EDARADD: variants seen among roughly 807,000 people sequenced by gnomAD.
EDARADD encodes the protein EDAR associated via death domain.
A neutral mutation model predicts 25.6 loss-of-function variants in EDARADD; 20 were observed. The ratio of observed to expected loss-of-function variants is 0.78; its 90% CI spans 0.55 to 1.14. The LOEUF (loss-of-function observed/expected upper bound fraction) is 1.14, where lower values mean the gene tolerates loss of function less well. Ranked by LOEUF, EDARADD falls within the 50% of genes most tolerant of loss-of-function variation. EDARADD has a pLI of 0.00. For synonymous variants in EDARADD, 86 were observed against 94.4 expected (o/e 0.91, Z 0.52); for missense variants, 225 against 270.1 (o/e 0.83, Z 1.17).
At chr1:236,473,953 T>C (rs972062086) in intron 5 of EDARADD, among the ~76,000 whole-genome samples, 2 of 151,980 alleles carry the variant, frequency 1.3e-5, no homozygotes, top group Non-Finnish European at 2.9e-5. Flanking sequence ...CTAACATCTT[T>C]AAAGAACATT....
At chr1:236,389,800 G>A (rs566573144), upstream of EDARADD, among the ~76,000 whole-genome samples, 7 of 152,224 alleles carry the variant, frequency 4.6e-5, no homozygotes, top group South Asian at 2.1e-4. Context: ...CCAGGAGTTC[G>A]AGACCTGCCT....
intron 3 of EDARADD, among the ~76,000 whole-genome samples, chr1:236,359,985 A>G (rs1404719583): frequency 6.6e-6 from 1 of 152,112 alleles, no homozygotes; most frequent in South Asian, 2.1e-4. Flanking sequence ...CCCTAAATAG[A>G]TATCTATTTC....
At chr1:236,465,928 G>A (rs184216485) in intron 4 of EDARADD, among the ~76,000 whole-genome samples, 4 of 152,102 alleles carry the variant, frequency 2.6e-5, no homozygotes, top group Admixed American at 1.3e-4. Flanking sequence ...CAAGTAATTC[G>A]TATTTCCCTG....
intron 3 of EDARADD, among the ~76,000 whole-genome samples, chr1:236,385,630 A>G (rs1319308531): frequency 6.6e-6 from 1 of 152,006 alleles, no homozygotes; most frequent in Non-Finnish European, 1.5e-5. Context: ...AGGCTGAGGC[A>G]GGAGAATTAC....
intron 3 of EDARADD, among the ~76,000 whole-genome samples, chr1:236,384,895 T>A (rs943993282): frequency 5.3e-5 from 8 of 152,080 alleles, no homozygotes; most frequent in African/African-American, 1.7e-4. Context: ...TTATTTTTAT[T>A]ATATTTTAAC....
chr1:236,449,525 T>C (rs1571941926), intron 4 of EDARADD, among the ~76,000 whole-genome samples: 1 of 152,250 alleles, frequency 6.6e-6, no homozygotes, highest in Non-Finnish European at 1.5e-5. Flanking sequence ...TCCATTCTCC[T>C]CTGAGCAGAA....
intron 2 of EDARADD, among the ~76,000 whole-genome samples, chr1:236,413,959 G>A (rs767370061): frequency 5.3e-4 from 80 of 152,304 alleles, no homozygotes; most frequent in Non-Finnish European, 9.6e-4. Flanking sequence ...CTCCTCAATT[G>A]TAAACTGCAG....
chr1:236,381,800 G>GTTTGTTTTTTTT (rs1558105353), intron 3 of EDARADD, among the ~76,000 whole-genome samples: 1 of 16,918 alleles, frequency 5.9e-5, no homozygotes, highest in Non-Finnish European at 1.3e-4. Flanking sequence ...TCCTGTGGTT[G>GTTTGTTTTTTTT]CTTTTTTTTT....
chr1:236,396,149 C>G (rs1667511885), intron 1 of EDARADD, among the ~76,000 whole-genome samples: 2 of 152,304 alleles, frequency 1.3e-5, no homozygotes. Context: ...GGAGCTATTT[C>G]ATCAGATAGT....
At chr1:236,456,803 G>A (rs994579079) in intron 4 of EDARADD, among the ~76,000 whole-genome samples, 2 of 144,450 alleles carry the variant, frequency 1.4e-5, no homozygotes, top group Non-Finnish European at 3.0e-5. Context: ...AGATGCTGAT[G>A]TAGTTCTTGA....
Position 236,484,673 on chromosome 1 carries a change from A to C in EDARADD, c.*2024A>C. On this transcript the variant is annotated 3_prime_UTR_variant, in exon 6 of 6. Transcript: ENST00000334232. The surrounding 1 kb of genome is among the most constrained non-coding windows in gnomAD (Gnocchi z 4.1). ...CAGTGAGCCGAGATTGCGCCACTGC[A>C]CACCAGTCTGGAGACAGAGTGAGAG... 4.3e-6 allele frequency: 2 copies of C among 467,590 alleles called. No individual in the cohort carries two copies. The highest frequency in any genetic ancestry group is 4.6e-5 in the South Asian group (2 of 43,402). The allele number at this position is 467,590 out of a possible 1,614,324, so 29.0% of individuals were successfully genotyped here.
chr1:236,395,958 G>C lies in EDARADD; in HGVS notation c.61+1453G>C, dbSNP rs985557947. 6.6e-6 allele frequency among the ~76,000 whole-genome samples: 1 copy of C among 152,210 alleles called. No homozygotes were observed. Among genetic ancestry groups the C allele is most frequent in the Admixed American group, 6.5e-5 (1 of 15,282 alleles). On this transcript the variant is annotated intron_variant, in intron 1 of 5. Transcript: ENST00000334232. The surrounding 1 kb of genome is among the most constrained non-coding windows in gnomAD (Gnocchi z 6.9). ...CCCCCGTGGCTTTTGTTCTGGACTC[G>C]GGATGCCAGGTTGAGACACGTCCTG...
intron 4 of EDARADD, among the ~76,000 whole-genome samples, chr1:236,456,836 C>T (rs561054977): frequency 5.3e-4 from 81 of 151,918 alleles, no homozygotes; most frequent in African/African-American, 1.9e-3. Flanking sequence ...GCCCTGCAGC[C>T]GTCCTGTGGC....
intron 3 of EDARADD, among the ~76,000 whole-genome samples, chr1:236,419,428 A>G (rs1244908026): frequency 6.6e-6 from 1 of 151,914 alleles, no homozygotes. Flanking sequence ...AAAACAAAAA[A>G]CTCAACTTCT....
intron 4 of EDARADD, among the ~76,000 whole-genome samples, chr1:236,436,442 G>A (rs193283271): frequency 2.6e-5 from 4 of 152,042 alleles, no homozygotes; most frequent in South Asian, 2.1e-4. Context: ...GATTACAGGC[G>A]TGAGCCACTG....
chr1:236,368,002 G>A (rs1002860074), intron 3 of EDARADD, among the ~76,000 whole-genome samples: 9 of 151,988 alleles, frequency 5.9e-5, no homozygotes, highest in African/African-American at 1.2e-4. Flanking sequence ...CCAGCTACTC[G>A]GGAGGCTGAA....
chr1:236,453,813 A>C (rs1339913181), intron 4 of EDARADD, among the ~76,000 whole-genome samples: 2 of 152,324 alleles, frequency 1.3e-5, no homozygotes, highest in African/African-American at 4.8e-5. Flanking sequence ...TTCTCAGACC[A>C]TATCCCCATT....
chr1:236,478,491 T>C (rs1174604675), intron 5 of EDARADD, among the ~76,000 whole-genome samples: 2 of 150,892 alleles, frequency 1.3e-5, no homozygotes, highest in Non-Finnish European at 2.9e-5. Context: ...TGTATATATG[T>C]ATATATATAT....
chr1:236,424,493 TA>T (rs1424896212), intron 3 of EDARADD, among the ~76,000 whole-genome samples: 2 of 152,128 alleles, frequency 1.3e-5, no homozygotes, highest in African/African-American at 4.8e-5. Flanking sequence ...GGTTTCTTTT[TA>T]TCTTTCTTTC....
Sources: allele counts gnomAD v4.1 joint callset (sites outside exome capture counted in the v4.1 genomes callset), GRCh38; gene constraint gnomAD v4.1.1; non-coding constraint Gnocchi (gnomAD v3.1); transcripts MANE v1.5; gene names NCBI Gene and HGNC (gene_info 2026-07-23, HGNC 2026-07-21).